The following RGS10 variants were observed in gnomAD, a reference collection of about 807,000 sequenced individuals.
RGS10 encodes the protein regulator of G protein signaling 10.
Under a neutral mutation model 23.5 loss-of-function variants are expected in RGS10, and 11 were observed. That is an observed-to-expected ratio of 0.47 (90% confidence interval 0.29 to 0.77). RGS10 has a LOEUF of 0.77. RGS10 is among the 30% of genes least tolerant of loss of function. The pLI is 0.08. For missense variants in RGS10, 180 were observed against 226.3 expected, an observed-to-expected ratio of 0.80 and a Z score of 1.31; for synonymous variants, 77 against 83.2, an observed-to-expected ratio of 0.92 and a Z score of 0.41.
At chr10:119,502,067 G>C (rs752737987) in intron 4 of RGS10, among the ~76,000 whole-genome samples, 1 of 151,996 alleles carries the variant, frequency 6.6e-6, no homozygotes, top group Non-Finnish European at 1.5e-5. Context: ...TGCCACACTA[G>C]AGCAGTCATC....
At chr10:119,508,874 A>G (rs1336321523) in intron 4 of RGS10, among the ~76,000 whole-genome samples, 1 of 152,224 alleles carries the variant, frequency 6.6e-6, no homozygotes, top group East Asian at 1.9e-4. Flanking sequence ...AGGCTGGAGG[A>G]TTGCTTGAGC....
At position 119,525,066 on chromosome 10, in the gene RGS10, T is replaced by A. The variant is rs139062161; in HGVS notation, c.255+966A>T. 2.4e-3 allele frequency among the ~76,000 whole-genome samples: 369 copies of A among 152,310 alleles called. 2 individuals are homozygous for A. Among genetic ancestry groups the A allele is most frequent in the African/African-American group, 8.3e-3 (347 of 41,580 alleles). ...ATGTTTTGTTTGGTAGGCAAGGTTT[T>A]AAATTTTTTTTTAATTAGTTCCAAC... On this transcript the variant is annotated intron_variant, in intron 3 of 4. Coordinates refer to ENST00000369103, the MANE Select transcript of RGS10 (RefSeq NM_001005339.2).
intron 4 of RGS10, among the ~76,000 whole-genome samples, chr10:119,505,434 C>T (rs1843999700): frequency 1.3e-5 from 2 of 148,904 alleles, no homozygotes; most frequent in South Asian, 4.2e-4. Context: ...AACTGTTTAG[C>T]ATCGTTGCCT....
chr10:119,541,805 T>A (rs1194549527), intron 1 of RGS10, among the ~76,000 whole-genome samples: 1 of 152,176 alleles, frequency 6.6e-6, no homozygotes, highest in Non-Finnish European at 1.5e-5. Context: ...CGGGTTGTCC[T>A]AGGGGTGAAG....
At chr10:119,542,567 C>G in intron 1 of RGS10, 23 bp downstream of exon 1, 2 of 1,394,618 alleles carry the variant, frequency 1.4e-6, no homozygotes, top group East Asian at 3.1e-5. Context: ...ACCCCGAGCC[C>G]GCGGGCCCCC....
At chr10:119,521,890 C>G (rs3009916) in intron 3 of RGS10, among the ~76,000 whole-genome samples, 1 of 152,080 alleles carries the variant, frequency 6.6e-6, no homozygotes, top group Admixed American at 6.6e-5. Flanking sequence ...AACATTTCCA[C>G]TCAACAAGGT....
intron 3 of RGS10, among the ~76,000 whole-genome samples, chr10:119,521,304 T>G (rs550909115): frequency 6.6e-6 from 1 of 151,926 alleles, no homozygotes; most frequent in East Asian, 1.9e-4. Flanking sequence ...GGCGTGGTGG[T>G]TCACACCTGT....
At chr10:119,526,237 A>C in intron 2 of RGS10, 119 bp from the exon 3 acceptor site, 1 of 507,146 alleles carries the variant, frequency 2.0e-6, no homozygotes, top group South Asian at 3.9e-5. Context: ...TGGTTCAGTT[A>C]CTCTTCGAAA....
Position 119,538,249 on chromosome 10 carries a change from GGTT to G in RGS10, c.49+4338_49+4340del, listed in dbSNP as rs1844407346. Among the ~76,000 whole-genome samples the G allele has an allele frequency of 6.6e-6, 1 of 152,194 alleles. No individual in the cohort carries two copies. The highest frequency in any genetic ancestry group is 2.4e-5 in the African/African-American group (1 of 41,436). The stretch of plus-strand genomic sequence containing the variant: ...ATATATTTTAGCAAAGTCGCTAAAT[GGTT>G]GTTGTGTTTAGGTGGCCGTGGACTT... On this transcript the variant is annotated intron_variant, in intron 1 of 4. Transcript: ENST00000369103. The surrounding 1 kb of genome is among the most constrained non-coding windows in gnomAD (Gnocchi z 4.5).
In RGS10 at chr10:119,524,995, G is replaced by A. The variant is rs890816140; in HGVS notation, c.255+1037C>T. On this transcript the variant is annotated intron_variant, in intron 3 of 4. Coordinates refer to ENST00000369103, the MANE Select transcript of RGS10 (RefSeq NM_001005339.2). The surrounding 1 kb of genome is among the most constrained non-coding windows in gnomAD (Gnocchi z 5.2). The stretch of plus-strand genomic sequence containing the variant: ...CCCATAGATTCCAGCTTTTGGAGAC[G>A]AGGCCTCAAAAACTGGCAACGCGCA... Among the ~76,000 whole-genome samples the A allele has an allele frequency of 1.1e-4, 16 of 152,168 alleles. No homozygotes were observed. Among genetic ancestry groups the A allele is most frequent in the South Asian group, 8.3e-4 (4 of 4,830 alleles).
intron 1 of RGS10, among the ~76,000 whole-genome samples, chr10:119,528,111 A>G (rs902105661): frequency 4.6e-5 from 7 of 152,018 alleles, no homozygotes; most frequent in Non-Finnish European, 7.4e-5. Context: ...GCTCACTGCA[A>G]CCTCTGCCTC....
At chr10:119,507,924 T>C (rs1223931156) in intron 4 of RGS10, among the ~76,000 whole-genome samples, 2 of 152,128 alleles carry the variant, frequency 1.3e-5, no homozygotes, top group Non-Finnish European at 2.9e-5. Flanking sequence ...ACCTCATCTC[T>C]GCTTTTCCAG....
Position 119,527,204 on chromosome 10 carries a change from C to T in RGS10, c.168+102G>A. On this transcript the variant is annotated intron_variant, in intron 2 of 4. Coordinates refer to ENST00000369103, the MANE Select transcript of RGS10 (RefSeq NM_001005339.2). The surrounding 1 kb of genome is among the most constrained non-coding windows in gnomAD (Gnocchi z 4.2). Reference sequence around the variant, plus strand: ...AACTCTCAAGCTGGCATAGAGAGTGCTACGCTGACAGACAATGTTGAACTG... The same window carrying T: ...AACTCTCAAGCTGGCATAGAGAGTGTTACGCTGACAGACAATGTTGAACTG... The T allele has an allele frequency of 1.3e-6, 1 of 777,172 alleles. No individual in the cohort carries two copies. Among genetic ancestry groups the T allele is most frequent in the Non-Finnish European group, 2.2e-6 (1 of 461,442 alleles). 48.1% of individuals were successfully genotyped at this position (777,172 alleles called of 1,614,324 possible). A position where few individuals can be genotyped will look rare whatever the true frequency, so the allele number is the denominator to read the frequency against.
chr10:119,514,990 A>C (rs182874211), intron 4 of RGS10, among the ~76,000 whole-genome samples: 157 of 152,338 alleles, frequency 1.0e-3, no homozygotes, highest in African/African-American at 3.6e-3. Flanking sequence ...AATGTGAATC[A>C]GAATTCACAT....
intron 1 of RGS10, chr10:119,536,399 C>T: frequency 6.8e-7 from 1 of 1,480,204 alleles, no homozygotes; most frequent in South Asian, 1.2e-5. Context: ...CCAGCCCCTG[C>T]CCCGCCCAGG....
In RGS10 at chr10:119,499,828, G is replaced by A. The variant is rs987231083; in HGVS notation, c.*285C>T. 3 of 301,954 alleles carry A rather than the reference G, an allele frequency of 9.9e-6. No homozygotes were observed. Among genetic ancestry groups the A allele is most frequent in the Non-Finnish European group, 6.2e-6 (1 of 162,374 alleles). The allele number at this position is 301,954 out of a possible 1,614,324, so 18.7% of individuals were successfully genotyped here. On this transcript the variant is annotated 3_prime_UTR_variant, in exon 5 of 5. Transcript: ENST00000369103. ...GGTAGTGTGATACGTTTCACCTTGT[G>A]GCCTTACATGAGGTTTAATTAAGCT...
chr10:119,508,101 G>A (rs998041074), intron 4 of RGS10, among the ~76,000 whole-genome samples: 3 of 152,042 alleles, frequency 2.0e-5, no homozygotes, highest in Non-Finnish European at 2.9e-5. Context: ...GGGTTCAAGC[G>A]ATTTTCCTGC....
In RGS10 at chr10:119,500,074, T is replaced by A. The variant is rs771386277; in HGVS notation, c.*39A>T. ...CGGCACGGTCCTGAGAGGAAATTCCTTTGCTTCTTAAAGCTGCCAGTCCCG... is the reference window on the plus strand; with the variant it reads ...CGGCACGGTCCTGAGAGGAAATTCCATTGCTTCTTAAAGCTGCCAGTCCCG... On this transcript the variant is annotated 3_prime_UTR_variant, in exon 5 of 5. Coordinates refer to ENST00000369103, the MANE Select transcript of RGS10 (RefSeq NM_001005339.2). 4 of 1,603,146 alleles carry A rather than the reference T, an allele frequency of 2.5e-6. No individual in the cohort carries two copies.
At chr10:119,514,227 T>C (rs1844114217) in intron 4 of RGS10, among the ~76,000 whole-genome samples, 1 of 151,736 alleles carries the variant, frequency 6.6e-6, no homozygotes. Context: ...CGTGGTGGTG[T>C]AGGCCTGTAA....
Sources: allele counts gnomAD v4.1 joint callset (sites outside exome capture counted in the v4.1 genomes callset), GRCh38; gene constraint gnomAD v4.1.1; non-coding constraint Gnocchi (gnomAD v3.1); transcripts MANE v1.5; gene names NCBI Gene and HGNC (gene_info 2026-07-23, HGNC 2026-07-21).